Variants in PRIM2 observed in about 807,000 individuals in gnomAD.
The protein encoded by PRIM2 is DNA primase large subunit.
PRIM2 carries 39 observed loss-of-function variants against 67.3 expected under a neutral mutation model. The observed-to-expected ratio is 0.58, with a 90% confidence interval of 0.45 to 0.76. The LOEUF (loss-of-function observed/expected upper bound fraction) is 0.76. Ranked by LOEUF, PRIM2 falls within the 30% of genes least tolerant of loss-of-function variation. The pLI, the probability that PRIM2 is intolerant of heterozygous loss-of-function variation, is 0.00. For missense variants in PRIM2, 398 were observed against 598.7 expected (o/e 0.66, Z 3.50); for synonymous variants, 143 against 198.7 (o/e 0.72, Z 2.36).
chr6:57,510,257 T>C (rs1261729734), intron 8 of PRIM2, among the ~76,000 whole-genome samples: 1 of 152,208 alleles, frequency 6.6e-6, no homozygotes, highest in African/African-American at 2.4e-5. Flanking sequence ...TTTTGTTGAA[T>C]GAATGAATAC....
intron 5 of PRIM2, among the ~76,000 whole-genome samples, chr6:57,343,832 T>C (rs111762135): frequency 0.016 from 2,390 of 152,222 alleles, 25 homozygotes; most frequent in African/African-American, 0.024. Context: ...AATAGGTTTT[T>C]GTAGTAGGGG....
chr6:57,391,517 A>C (rs1770343976), intron 7 of PRIM2, among the ~76,000 whole-genome samples: 1 of 152,126 alleles, frequency 6.6e-6, no homozygotes, highest in African/African-American at 2.4e-5. Flanking sequence ...TTAAGTCTTT[A>C]ATCCATTTTG....
intron 12 of PRIM2, among the ~76,000 whole-genome samples, chr6:57,611,448 A>C (rs1202702598): frequency 0.39 from 59,080 of 151,934 alleles, 11,753 homozygotes; most frequent in East Asian, 0.65. Context: ...GACAGAATAG[A>C]GTTCAGAAAT....
At chr6:57,645,836 A>C (rs1777325023) in intron 13 of PRIM2, 92 bp from the exon 14 acceptor site, 3 of 662,584 alleles carry the variant, frequency 4.5e-6, no homozygotes, top group Admixed American at 5.8e-5. Flanking sequence ...TTCAGGTATT[A>C]AGTTTTAAAC....
chr6:57,385,724 A>C (rs1025640443), intron 7 of PRIM2, among the ~76,000 whole-genome samples: 16 of 152,330 alleles, frequency 1.1e-4, no homozygotes, highest in Non-Finnish European at 1.9e-4. Flanking sequence ...TTTGAAGATT[A>C]TCAGCAGTTA....
At chr6:57,516,478 A>G (rs1774490488) in intron 8 of PRIM2, among the ~76,000 whole-genome samples, 1 of 152,214 alleles carries the variant, frequency 6.6e-6, no homozygotes, top group African/African-American at 2.4e-5. Context: ...AATATATCTT[A>G]AAGTTGAAAA....
the PRIM2 span, among the ~76,000 whole-genome samples, chr6:57,293,294 T>G: frequency 3.9e-5 from 6 of 152,176 alleles, no homozygotes; most frequent in Admixed American, 2.6e-4. Flanking sequence ...AGATACCATC[T>G]CACGCCTGTT....
upstream of PRIM2, among the ~76,000 whole-genome samples, chr6:57,310,717 C>T (rs1016975356): frequency 2.1e-4 from 31 of 144,610 alleles, no homozygotes; most frequent in Middle Eastern, 4.1e-3. Flanking sequence ...ATGGGGTGGC[C>T]GGGCAGAGGC....
chr6:57,492,543 A>T (rs1263349184), intron 7 of PRIM2, among the ~76,000 whole-genome samples: 3 of 53,400 alleles, frequency 5.6e-5, no homozygotes, highest in East Asian at 3.6e-3. Flanking sequence ...AACTCTCTCT[A>T]AAAAAAAAAA....
At chr6:57,294,305 C>A in the PRIM2 span, among the ~76,000 whole-genome samples, 1 of 152,030 alleles carries the variant, frequency 6.6e-6, no homozygotes, top group Non-Finnish European at 1.5e-5. Context: ...CATGGTGAAA[C>A]CCCATCTCTA....
chr6:57,529,842 CAA>C (rs1257520565), intron 8 of PRIM2, among the ~76,000 whole-genome samples: 1 of 152,088 alleles, frequency 6.6e-6, no homozygotes, highest in Non-Finnish European at 1.5e-5. Context: ...ATAAAGGAAA[CAA>C]ATTTATTTCT....
the PRIM2 span, among the ~76,000 whole-genome samples, chr6:57,242,610 G>A: frequency 6.6e-6 from 1 of 152,108 alleles, no homozygotes; most frequent in South Asian, 2.1e-4. Context: ...TCCTAATATG[G>A]TATAAACAAT....
intron 7 of PRIM2, among the ~76,000 whole-genome samples, chr6:57,494,715 T>A (rs1437657256): frequency 6.6e-6 from 1 of 152,222 alleles, no homozygotes; most frequent in African/African-American, 2.4e-5. Context: ...GGAAAAAGGA[T>A]TTGGAACAAC....
intron 7 of PRIM2, among the ~76,000 whole-genome samples, chr6:57,464,205 G>T (rs1420326133): frequency 6.6e-6 from 1 of 152,096 alleles, no homozygotes; most frequent in Non-Finnish European, 1.5e-5. Context: ...TGATTAGTCC[G>T]TTCCTTCCCC....
At chr6:57,416,952 C>G (rs1771282326) in intron 7 of PRIM2, among the ~76,000 whole-genome samples, 1 of 147,540 alleles carries the variant, frequency 6.8e-6, no homozygotes, top group Non-Finnish European at 1.5e-5. Flanking sequence ...GGCTGCTTCA[C>G]TTCACTTTCT....
chr6:57,228,534 G>A, the PRIM2 span, among the ~76,000 whole-genome samples: 1 of 152,204 alleles, frequency 6.6e-6, no homozygotes, highest in South Asian at 2.1e-4. Context: ...TGAGGGCAGG[G>A]AGTAGTTGGA....
At chr6:57,579,916 A>G (rs1300647555) in intron 10 of PRIM2, among the ~76,000 whole-genome samples, 1 of 152,174 alleles carries the variant, frequency 6.6e-6, no homozygotes, top group Non-Finnish European at 1.5e-5. Flanking sequence ...ATATTTTTAT[A>G]TGTGATAAAA....
In PRIM2 at chr6:57,495,555, A is replaced by G. The variant is rs1453656925; in HGVS notation, c.694-11832A>G. Among the ~76,000 whole-genome samples, 464 of 152,304 alleles carry G rather than the reference A, an allele frequency of 3.0e-3. 5 individuals are homozygous for G. The highest frequency in any genetic ancestry group is 0.025 in the Admixed American group (388 of 15,288). On this transcript the variant is annotated intron_variant, in intron 7 of 13. Transcript: ENST00000615550. ...TACCATTCTTGAATTATACATTTGGATCAGTGGTTTGAGGTTCAGCTGTTG... is the reference window on the plus strand; with the variant it reads ...TACCATTCTTGAATTATACATTTGGGTCAGTGGTTTGAGGTTCAGCTGTTG...
intron 5 of PRIM2, among the ~76,000 whole-genome samples, chr6:57,349,316 G>A (rs1182342554): frequency 1.3e-5 from 2 of 151,028 alleles, no homozygotes; most frequent in African/African-American, 2.4e-5. Context: ...AAACACCAAT[G>A]CACACACCGT....
Sources: gnomAD v4.1 joint callset for allele counts (sites outside exome capture counted in the v4.1 genomes callset) on GRCh38, gnomAD v4.1.1 for gene constraint, MANE v1.5 for transcripts, NCBI Gene and HGNC (gene_info 2026-07-23, HGNC 2026-07-21) for gene names.